MTHFD2L: variants seen among roughly 807,000 people sequenced by gnomAD.
MTHFD2L encodes methylenetetrahydrofolate dehydrogenase (NADP+ dependent) 2 like, also known as bifunctional methylenetetrahydrofolate dehydrogenase/cyclohydrolase 2, mitochondrial.
A neutral mutation model predicts 34.9 loss-of-function variants in MTHFD2L; 29 were observed. The observed-to-expected ratio is 0.83, with a 90% confidence interval of 0.62 to 1.13. The LOEUF is 1.13. Among genes scored for constraint, MTHFD2L ranks in the 50% most tolerant of loss-of-function variants. MTHFD2L has a pLI of 0.00. For missense variants in MTHFD2L, 481 were observed against 446.5 expected (o/e 1.08, Z -0.70); for synonymous variants, 167 against 155.7 (o/e 1.07, Z -0.54).
rs1452717780 is a variant in MTHFD2L at position 74,221,462 on chromosome 4, AT to A, written c.713-3839del. ...AATTCTATTTCTTTTTCTTATGTATATATTATTTTTCTATCTTTATTTGAAT... is the reference window on the plus strand; with the variant it reads ...AATTCTATTTCTTTTTCTTATGTATAATTATTTTTCTATCTTTATTTGAAT... On this transcript the variant is annotated intron_variant, in intron 5 of 7. Transcript: ENST00000325278. Among the ~76,000 whole-genome samples, 7 of 151,762 alleles carry A rather than the reference AT, an allele frequency of 4.6e-5. No homozygotes were observed. In the South Asian group the frequency reaches 6.2e-4, roughly 13 times the overall value.
intron 1 of MTHFD2L, among the ~76,000 whole-genome samples, chr4:74,151,530 T>G (rs1723941527): frequency 6.6e-6 from 1 of 152,186 alleles, no homozygotes; most frequent in Non-Finnish European, 1.5e-5. Context: ...ACTTGATAGC[T>G]GTAGGTCTTG....
rs769812114 is a variant in MTHFD2L at position 74,281,382 on chromosome 4, A to G, written c.806-43A>G. 3.1e-6 allele frequency: 5 copies of G among 1,600,102 alleles called. No individual in the cohort carries two copies. The South Asian group carries it at 4.5e-5, about 14-fold the overall frequency. ...AAAGCCTACCAAAACAGATATGTAC[A>G]CCTTTGTTATGCTGAAGGACAAACA... On this transcript the variant is annotated intron_variant, in intron 6 of 7. Coordinates refer to ENST00000325278, the MANE Select transcript of MTHFD2L (RefSeq NM_001144978.3).
intron 3 of MTHFD2L, among the ~76,000 whole-genome samples, chr4:74,175,735 C>T (rs867977065): frequency 1.3e-5 from 2 of 151,936 alleles, no homozygotes; most frequent in African/African-American, 4.8e-5. Flanking sequence ...GCCTTTAAAA[C>T]TTCTTATCCA....
chr4:74,179,503 T>G (rs961469403), intron 3 of MTHFD2L, among the ~76,000 whole-genome samples: 1 of 152,096 alleles, frequency 6.6e-6, no homozygotes, highest in African/African-American at 2.4e-5. Flanking sequence ...AATTGCACTT[T>G]GGTACATTTT....
chr4:74,157,811 CCTT>C (rs1216490748), upstream of MTHFD2L: 2 of 531,144 alleles, frequency 3.8e-6, no homozygotes, highest in Admixed American at 4.5e-5. Flanking sequence ...AGTTTGGAGG[CCTT>C]CTCTGTGCCG....
At chr4:74,167,559 T>A (rs1228457375) in intron 1 of MTHFD2L, among the ~76,000 whole-genome samples, 1 of 152,176 alleles carries the variant, frequency 6.6e-6, no homozygotes, top group African/African-American at 2.4e-5. Context: ...CACAGCAGAT[T>A]CCCAGGGTAC....
chr4:74,264,358 A>G (rs1428605340), intron 6 of MTHFD2L, among the ~76,000 whole-genome samples: 28 of 152,124 alleles, frequency 1.8e-4, no homozygotes, highest in Non-Finnish European at 5.9e-5. Flanking sequence ...TACAGAATAT[A>G]TGGTCAACAT....
chr4:74,246,770 T>A (rs578192317), intron 6 of MTHFD2L, among the ~76,000 whole-genome samples: 232 of 152,302 alleles, frequency 1.5e-3, no homozygotes, highest in Middle Eastern at 6.8e-3. Context: ...CTCAGGTTTG[T>A]CAAAGATCAG....
intron 1 of MTHFD2L, among the ~76,000 whole-genome samples, chr4:74,142,970 G>A (rs1723367634): frequency 6.6e-6 from 1 of 152,196 alleles, no homozygotes; most frequent in African/African-American, 2.4e-5. Context: ...AAAAGGTGTT[G>A]TCTGAAATCA....
chr4:74,166,023 A>T (rs1726619071), intron 1 of MTHFD2L, among the ~76,000 whole-genome samples: 1 of 152,246 alleles, frequency 6.6e-6, no homozygotes, highest in Non-Finnish European at 1.5e-5. Context: ...ACAAAATGGT[A>T]ATTTATTCCA....
intron 6 of MTHFD2L, among the ~76,000 whole-genome samples, chr4:74,251,589 C>T (rs1743316939): frequency 6.6e-6 from 1 of 152,114 alleles, no homozygotes; most frequent in Admixed American, 6.5e-5. Flanking sequence ...GTACTTATAG[C>T]TCTCAAGAAT....
chr4:74,248,786 C>T (rs576805708), intron 6 of MTHFD2L, among the ~76,000 whole-genome samples: 22 of 151,640 alleles, frequency 1.5e-4, no homozygotes, highest in South Asian at 1.0e-3. Flanking sequence ...TGTAGTTGAG[C>T]GGTTTTGAGT....
intron 7 of MTHFD2L, among the ~76,000 whole-genome samples, chr4:74,296,810 T>C (rs1020880492): frequency 6.6e-6 from 1 of 152,020 alleles, no homozygotes; most frequent in African/African-American, 2.4e-5. Flanking sequence ...GAATGCAAAT[T>C]GAAAGTCACT....
At chr4:74,295,417 A>G (rs1749508236) in intron 7 of MTHFD2L, among the ~76,000 whole-genome samples, 1 of 151,900 alleles carries the variant, frequency 6.6e-6, no homozygotes, top group African/African-American at 2.4e-5. Context: ...CCCATATCGG[A>G]TTTATGTTTT....
chr4:74,197,288 C>T (rs1317996066), intron 3 of MTHFD2L, among the ~76,000 whole-genome samples: 2 of 152,084 alleles, frequency 1.3e-5, no homozygotes, highest in African/African-American at 2.4e-5. Context: ...TTATGTGCCC[C>T]AAGGGTGAGA....
At chr4:74,206,160 A>G (rs886328130) in intron 5 of MTHFD2L, among the ~76,000 whole-genome samples, 1 of 151,776 alleles carries the variant, frequency 6.6e-6, no homozygotes, top group African/African-American at 2.4e-5. Context: ...GGAAGCAGCC[A>G]GATTTCTATC....
chr4:74,142,129 G>C (rs549763475), intron 1 of MTHFD2L, among the ~76,000 whole-genome samples: 1 of 152,322 alleles, frequency 6.6e-6, no homozygotes, highest in South Asian at 2.1e-4. Context: ...GTGAGGAAGT[G>C]AGGTCATTGG....
chr4:74,295,024 C>T (rs566797174), intron 7 of MTHFD2L, among the ~76,000 whole-genome samples: 1 of 152,170 alleles, frequency 6.6e-6, no homozygotes, highest in African/African-American at 2.4e-5. Flanking sequence ...ATACATTTTT[C>T]TCACAAGTTT....
At chr4:74,206,492 T>C (rs1280569888) in intron 5 of MTHFD2L, among the ~76,000 whole-genome samples, 2 of 152,136 alleles carry the variant, frequency 1.3e-5, no homozygotes, top group African/African-American at 4.8e-5. Context: ...TAGATAGATA[T>C]GAGGGGAGTA....
Sources: allele counts gnomAD v4.1 joint callset (sites outside exome capture counted in the v4.1 genomes callset), GRCh38; gene constraint gnomAD v4.1.1; transcripts MANE v1.5; gene names NCBI Gene and HGNC (gene_info 2026-07-23, HGNC 2026-07-21).